The following FAM227B variants were observed in gnomAD, a reference collection of about 807,000 sequenced individuals.
FAM227B encodes protein FAM227B.
Under a neutral mutation model 73.8 loss-of-function variants are expected in FAM227B, and 88 were observed. That is an observed-to-expected ratio of 1.19 (90% CI 1.00 to 1.42). The LOEUF (loss-of-function observed/expected upper bound fraction) is 1.42, where lower values mean the gene tolerates loss of function less well. FAM227B is among the 40% of genes most tolerant of loss of function. FAM227B has a pLI of 0.00. For synonymous variants in FAM227B, 210 were observed against 190.5 expected, an observed-to-expected ratio of 1.10 and a Z score of -0.84; for missense variants, 632 against 590.9, an observed-to-expected ratio of 1.07 and a Z score of -0.72.
chr15:49,351,844 C>T (rs1282222825), intron 13 of FAM227B, among the ~76,000 whole-genome samples: 2 of 152,174 alleles, frequency 1.3e-5, no homozygotes, highest in African/African-American at 4.8e-5. Flanking sequence ...TCACCTTAGT[C>T]AGTGGATGTG....
intron 9 of FAM227B, 128 bp downstream of exon 9, chr15:49,568,117 T>C (rs2074802475): frequency 6.9e-6 from 5 of 725,468 alleles, no homozygotes; most frequent in East Asian, 2.8e-5. Context: ...ATATTACTAA[T>C]ACTCTACACC....
intron 11 of FAM227B, among the ~76,000 whole-genome samples, chr15:49,434,843 A>T (rs909366422): frequency 6.6e-6 from 1 of 151,288 alleles, no homozygotes; most frequent in African/African-American, 2.4e-5. Context: ...ATTAATAAAA[A>T]ACTAATTAAT....
At chr15:49,346,885 A>G (rs960196093) in intron 13 of FAM227B, among the ~76,000 whole-genome samples, 2 of 152,222 alleles carry the variant, frequency 1.3e-5, no homozygotes, top group African/African-American at 2.4e-5. Context: ...ATCTTAGAGC[A>G]GTTATATTCT....
chr15:49,471,202 G>A (rs2054710023), intron 11 of FAM227B, among the ~76,000 whole-genome samples: 1 of 152,020 alleles, frequency 6.6e-6, no homozygotes, highest in Non-Finnish European at 1.5e-5. Flanking sequence ...TGGCAAATGT[G>A]AGGCCGGATA....
At chr15:49,478,671 A>G (rs1293949074) in intron 11 of FAM227B, among the ~76,000 whole-genome samples, 1 of 152,112 alleles carries the variant, frequency 6.6e-6, no homozygotes, top group Non-Finnish European at 1.5e-5. Context: ...CTTTTTTTCC[A>G]ACTTGAAAAT....
Position 49,394,655 on chromosome 15 carries a change from T to G in FAM227B, c.1013-23256A>C, listed in dbSNP as rs1288062392. ...TTAATTAGGTTTGCGGCTTTTTCAGTGAACTGAAAAGGAAGAATTGCAAAA... is the reference window on the plus strand; with the variant it reads ...TTAATTAGGTTTGCGGCTTTTTCAGGGAACTGAAAAGGAAGAATTGCAAAA... On this transcript the variant is annotated intron_variant, in intron 11 of 15. Transcript: ENST00000299338. Among the ~76,000 whole-genome samples, 8 of 152,210 alleles carry G rather than the reference T, an allele frequency of 5.3e-5. No homozygotes were observed. In the South Asian group the frequency reaches 1.7e-3, roughly 32 times the overall value.
chr15:49,458,405 CTTGTGTTT>C (rs2053509446), intron 11 of FAM227B, among the ~76,000 whole-genome samples: 1 of 152,030 alleles, frequency 6.6e-6, no homozygotes, highest in Non-Finnish European at 1.5e-5. Flanking sequence ...GCATAGTTAA[CTTGTGTTT>C]CTAATTAATT....
At chr15:49,590,985 T>C (rs1370551922) in intron 3 of FAM227B, among the ~76,000 whole-genome samples, 3 of 150,716 alleles carry the variant, frequency 2.0e-5, no homozygotes, top group Non-Finnish European at 4.4e-5. Context: ...CTGTCAAAAA[T>C]AGAGAGATCT....
At chr15:49,586,199 C>T (rs923044398) in intron 5 of FAM227B, among the ~76,000 whole-genome samples, 2 of 152,066 alleles carry the variant, frequency 1.3e-5, no homozygotes. Flanking sequence ...ACACACAGAC[C>T]AATGGAACAG....
chr15:49,582,845 G>A (rs1302248445), intron 5 of FAM227B, among the ~76,000 whole-genome samples: 1 of 151,714 alleles, frequency 6.6e-6, no homozygotes, highest in Non-Finnish European at 1.5e-5. Flanking sequence ...ACAACTACAT[G>A]GAAATTGAAT....
intron 11 of FAM227B, among the ~76,000 whole-genome samples, chr15:49,448,961 T>C (rs2052477192): frequency 6.6e-6 from 1 of 152,082 alleles, no homozygotes; most frequent in South Asian, 2.1e-4. Context: ...CATGCTCTTT[T>C]TTTTGCATAT....
chr15:49,466,777 G>T (rs2054302216), intron 11 of FAM227B, among the ~76,000 whole-genome samples: 1 of 152,050 alleles, frequency 6.6e-6, no homozygotes. Context: ...AAGAGCTTGG[G>T]GGTCTTTAAC....
intron 11 of FAM227B, among the ~76,000 whole-genome samples, chr15:49,465,898 G>A (rs1219805913): frequency 6.6e-6 from 1 of 152,100 alleles, no homozygotes; most frequent in Non-Finnish European, 1.5e-5. Context: ...TTAATATGGT[G>A]TTTTTGTCAT....
rs1340022411 is a variant in FAM227B, at chr15:49,610,475, T to TATTTAAAAG, written c.105+731_105+739dup. Among the ~76,000 whole-genome samples, 160 of 146,664 alleles carry TATTTAAAAG rather than the reference T, an allele frequency of 1.1e-3. 1 individual carries two copies. Among genetic ancestry groups the TATTTAAAAG allele is most frequent in the African/African-American group, 3.9e-3 (159 of 40,394 alleles). ...AACAAATATAAAAACAGAAGATAGA[T>TATTTAAAAG]ATTTAAAAGTAGATATTTCTGAAAC... On this transcript the variant is annotated intron_variant, in intron 3 of 15. Transcript: ENST00000299338.
chr15:49,444,272 G>C (rs929948770), intron 11 of FAM227B, among the ~76,000 whole-genome samples: 1 of 151,624 alleles, frequency 6.6e-6, no homozygotes, highest in Non-Finnish European at 1.5e-5. Context: ...CCACAATCCA[G>C]CTATTTAGCC....
intron 15 of FAM227B, 143 bp from the exon 16 acceptor site, chr15:49,328,818 C>G: frequency 7.1e-7 from 1 of 1,412,220 alleles, no homozygotes; most frequent in East Asian, 2.5e-5. Context: ...GAAGAAAATT[C>G]AGACTCATTT....
At chr15:49,576,691 A>T in intron 7 of FAM227B, 50 bp downstream of exon 7, 1 of 1,066,780 alleles carries the variant, frequency 9.4e-7, no homozygotes, top group Non-Finnish European at 1.4e-6. Flanking sequence ...CTGATTCATT[A>T]AATCATACTG....
chr15:49,365,601 G>A (rs1180400228), intron 13 of FAM227B: 4 of 1,018,420 alleles, frequency 3.9e-6, no homozygotes, highest in Admixed American at 1.7e-5. Context: ...CATTCTTTGT[G>A]ATGAATGGTG....
intron 11 of FAM227B, among the ~76,000 whole-genome samples, chr15:49,418,280 T>C (rs1233802743): frequency 2.6e-5 from 4 of 152,108 alleles, no homozygotes; most frequent in African/African-American, 4.8e-5. Flanking sequence ...AAAGACACAA[T>C]TGCCATTTGA....
Sources: gnomAD v4.1 joint callset for allele counts (sites outside exome capture counted in the v4.1 genomes callset) on GRCh38, gnomAD v4.1.1 for gene constraint, MANE v1.5 for transcripts, NCBI Gene and HGNC (gene_info 2026-07-23, HGNC 2026-07-21) for gene names.